PSG1: variants seen among roughly 807,000 people sequenced by gnomAD.
PSG1 encodes pregnancy-specific beta-1-glycoprotein 1.
In PSG1, 60 loss-of-function variants were observed where a neutral mutation model predicts 41.4. The ratio of observed to expected loss-of-function variants is 1.45; its 90% CI spans 1.18 to 1.80. The LOEUF is 1.80. Ranked by LOEUF, PSG1 falls within the 40% of genes most tolerant of loss-of-function variation. PSG1 has a pLI of 0.00. For missense variants in PSG1, 806 were observed against 516.9 expected (o/e 1.56, Z -5.42); for synonymous variants, 256 against 192.9 (o/e 1.33, Z -2.71).
rs1375053311 is a variant in PSG1 at position 42,879,690 on chromosome 19, C to A, written c.-109G>T. 1 of 1,489,604 alleles carries A rather than the reference C, an allele frequency of 6.7e-7. No homozygotes were observed. Among genetic ancestry groups the A allele is most frequent in the East Asian group, 2.3e-5 (1 of 42,560 alleles). 92.3% of individuals were successfully genotyped at this position (1,489,604 alleles called of 1,614,324 possible). On this transcript the variant is annotated 5_prime_UTR_variant, in exon 1 of 6. Transcript: ENST00000436291. ...TCCTTCCTCTTTCTGTGCTGAGCCT[C>A]TTCCCAGGGCAGGAGCAATTCTCAA...
In PSG1 at chr19:42,872,017, G is replaced by T. The variant is rs760079233; in HGVS notation, c.459C>A (p.Ser153Arg). ...TGGTCTCCCTGGGATTTAAGTTGCTGCTGGAGATGGAGGGCTTAGGAGTCT... is the reference window on the plus strand; with the variant it reads ...TGGTCTCCCTGGGATTTAAGTTGCTTCTGGAGATGGAGGGCTTAGGAGTCT... ...HLETPKPSIS[S>R]SNLNPRETME... Residue 153 changes from serine to arginine, a missense_variant, in exon 3 of 6, where the codon AGC becomes AGA. Transcript: ENST00000436291. 15 of 1,612,310 alleles carry T rather than the reference G, an allele frequency of 9.3e-6. No homozygotes were observed. The highest frequency in any genetic ancestry group is 1.7e-5 in the Admixed American group (1 of 59,870).
At position 42,878,301 on chromosome 19, in the gene PSG1, G is replaced by C. The variant is rs1267496015; in HGVS notation, c.65-23C>G. ...ATGCTAGGAGGTGGAGAGAACATCA[G>C]TCAATATTGAGACCTATGTATTGGT... is the stretch of plus-strand genomic sequence containing the variant. On this transcript the variant is annotated intron_variant, in intron 1 of 5. Coordinates refer to ENST00000436291, the MANE Select transcript of PSG1 (RefSeq NM_001184825.2). The C allele has an allele frequency of 4.4e-6, 7 of 1,590,780 alleles. No homozygotes were observed. The South Asian group carries it at 4.7e-5, about 11-fold the overall frequency.
rs2353115 is a variant in PSG1 at position 42,867,142 on chromosome 19, C to A, written c.1252G>T (p.Val418Phe). 136,861 of 766,638 alleles carry A rather than the reference C, an allele frequency of 0.18. 17,955 individuals carry two copies. Among genetic ancestry groups the A allele is most frequent in the East Asian group, 0.41 (16,882 of 40,872 alleles). 47.5% of individuals were successfully genotyped at this position (766,638 alleles called of 1,614,324 possible). The change falls in exon 6 of 6, where the codon GTT becomes TTT. Residue 418 changes from valine to phenylalanine, a missense_variant. Physicochemically the swap from Val to Phe is conservative, Grantham distance 50. Transcript: ENST00000436291. ...SMTVEVSDWTVP is the reference protein window; with the variant it reads ...SMTVEVSDWTFP ...GGAGGTACTAGTAGAATTCAGGGAA[C>A]TGTCCAGTCTACAGGTGGATAATAA...
At position 42,869,021 on chromosome 19, in the gene PSG1, C is replaced by T. The variant is rs759290841; in HGVS notation, c.723G>A (p.Lys241=). ...VTLNLLPKLP[K]PYITINNLNP... The stretch of plus-strand genomic sequence containing the variant: ...TTAAGTTGTTGATGGTGATGTAGGG[C>T]TTGGGCAGCTTCGCTGTGTGGATAA... The change falls in exon 4 of 6, where the codon AAG becomes AAA. Residue 241 remains lysine, a synonymous_variant. Coordinates refer to ENST00000436291, the MANE Select transcript of PSG1 (RefSeq NM_001184825.2). The T allele has an allele frequency of 6.2e-7, 1 of 1,610,090 alleles. No homozygotes were observed. Among genetic ancestry groups the T allele is most frequent in the African/African-American group, 1.3e-5 (1 of 74,602 alleles).
chr19:42,868,730 C>T lies in PSG1; in HGVS notation c.988+26G>A, dbSNP rs1305509603. Reference sequence around the variant, plus strand: ...GTTTGGATTTAAGCTGGTGTCCTGGCCCACAGAGGAACAAAAGATACTCAC... The same window carrying T: ...GTTTGGATTTAAGCTGGTGTCCTGGTCCACAGAGGAACAAAAGATACTCAC... On this transcript the variant is annotated intron_variant, in intron 4 of 5. Transcript: ENST00000436291. 4 of 1,609,476 alleles carry T rather than the reference C, an allele frequency of 2.5e-6. No homozygotes were observed. In the Admixed American group the frequency reaches 5.0e-5, roughly 20 times the overall value.
At position 42,877,814 on chromosome 19, in the gene PSG1, T is replaced by A. The variant is rs573784973; in HGVS notation, c.430+99A>T. 9.1e-5 allele frequency: 145 copies of A among 1,598,518 alleles called. 4 individuals are homozygous for A. The African/African-American group carries it at 1.5e-3, about 17-fold the overall frequency. On this transcript the variant is annotated intron_variant, in intron 2 of 5. Coordinates refer to ENST00000436291, the MANE Select transcript of PSG1 (RefSeq NM_001184825.2). ...AATCCCAGCATGGGACATAACGCAG[T>A]GAGTGACACAGGCAGAGTCCAGGCC...
chr19:42,868,477 C>A (rs1292114587), intron 4 of PSG1, 122 bp from the exon 5 acceptor site: 1 of 1,482,224 alleles, frequency 6.7e-7, no homozygotes, highest in South Asian at 1.4e-5. Flanking sequence ...AGCCCAACCC[C>A]CTCTATGTTC....
rs781260860 is a variant in PSG1, at chr19:42,872,042, T to C, written c.434A>G (p.Glu145Gly). 11 of 1,610,632 alleles carry C rather than the reference T, an allele frequency of 6.8e-6. No individual in the cohort carries two copies. Among genetic ancestry groups the C allele is most frequent in the Admixed American group, 5.0e-5 (3 of 59,642 alleles). Reference protein sequence around the residue: ...TGRFTFTLHLETPKPSISSSN... With the variant: ...TGRFTFTLHLGTPKPSISSSN... ...GCTGGAGATGGAGGGCTTAGGAGTC[T>C]CCACTGTGCAGAAAACAGGGTGAAG... The change falls in exon 3 of 6, where the codon GAG (glutamate) becomes GGG (glycine). Residue 145 changes from glutamate (E) to glycine (G), a missense_variant. Transcript: ENST00000436291.
chr19:42,873,328 A>T lies in PSG1; in HGVS notation c.431-1283T>A, dbSNP rs1213375022. Among the ~76,000 whole-genome samples the T allele has an allele frequency of 5.3e-5, 8 of 151,726 alleles. 1 individual carries two copies. ...ATTTAAAATCCACAATGCGCCAGTG[A>T]GCACTTCTTTTTAGCATCACATCAG... On this transcript the variant is annotated intron_variant, in intron 2 of 5. Coordinates refer to ENST00000436291, the MANE Select transcript of PSG1 (RefSeq NM_001184825.2).
chr19:42,873,271 C>T (rs929471660), intron 2 of PSG1, among the ~76,000 whole-genome samples: 22 of 151,628 alleles, frequency 1.5e-4, no homozygotes, highest in East Asian at 1.2e-3. Flanking sequence ...ATTTGCAGTA[C>T]ATGTACTGGT....
Position 42,878,293 on chromosome 19 carries a change from G to A in PSG1, c.65-15C>T. ...TAAAAGTGATGCTAGGAGGTGGAGA[G>A]AACATCAGTCAATATTGAGACCTAT... On this transcript the variant is annotated splice_polypyrimidine_tract_variant and intron_variant, in intron 1 of 5. Coordinates refer to ENST00000436291, the MANE Select transcript of PSG1 (RefSeq NM_001184825.2). 1 of 1,596,664 alleles carries A rather than the reference G, an allele frequency of 6.3e-7. No homozygotes were observed.
At chr19:42,874,526 T>G (rs1971525417) in intron 2 of PSG1, among the ~76,000 whole-genome samples, 1 of 151,640 alleles carries the variant, frequency 6.6e-6, no homozygotes, top group African/African-American at 2.4e-5. Context: ...TTTTGCATTT[T>G]TAGTAGAGAC....
chr19:42,877,948 C>A lies in PSG1; in HGVS notation c.395G>T (p.Arg132Ile), dbSNP rs141671981. The change falls in exon 2 of 6, where the codon AGA (arginine) becomes ATA (isoleucine). Residue 132 changes from arginine (R) to isoleucine (I), a missense_variant. Coordinates refer to ENST00000436291, the MANE Select transcript of PSG1 (RefSeq NM_001184825.2). ...LHIIKGDDGT[R>I]GVTGRFTFTL... ...GAAGGTGAAACGTCCAGTTACTCCT[C>A]TAGTCCCATCATCTCCCTTTATGAT... 24 of 1,612,254 alleles carry A rather than the reference C, an allele frequency of 1.5e-5. No homozygotes were observed.
rs571586124 is a variant in PSG1, at chr19:42,871,681, G to T, written c.709+86C>A. On this transcript the variant is annotated intron_variant, in intron 3 of 5. Coordinates refer to ENST00000436291, the MANE Select transcript of PSG1 (RefSeq NM_001184825.2). ...TCCAGGGGTAAAGGTCTCTGTATTG[G>T]ACCTGAGAGGGACAGAGAGGCCTGG... is the stretch of plus-strand genomic sequence containing the variant. 8.3e-5 allele frequency: 133 copies of T among 1,611,792 alleles called. 2 individuals are homozygous for T. In the African/African-American group the frequency reaches 1.4e-3, roughly 17 times the overall value.
intron 5 of PSG1, chr19:42,867,366 G>C (rs1000354250): frequency 3.9e-5 from 23 of 596,278 alleles, no homozygotes; most frequent in Admixed American, 2.9e-5. Flanking sequence ...AGTAGCAATG[G>C]ACCATGTAGG....
Position 42,878,025 on chromosome 19 carries a change from G to A in PSG1, c.318C>T (p.Ser106=). 1.2e-6 allele frequency: 2 copies of A among 1,612,374 alleles called. No homozygotes were observed. The highest frequency in any genetic ancestry group is 1.7e-6 in the Non-Finnish European group (2 of 1,179,160). Residue 106 remains serine, a synonymous_variant, in exon 2 of 6, where the codon TCC becomes TCT. Transcript: ENST00000436291. The part of the protein sequence containing the change: ...SGRETAYSNA[S]LLIQNVTRED... ...CCCGGGTGACATTCTGGATCAGCAG[G>A]GATGCATTGGAATATGCTGTTTCTC...
At chr19:42,879,268 T>G (rs1248128901) in intron 1 of PSG1, among the ~76,000 whole-genome samples, 1 of 150,800 alleles carries the variant, frequency 6.6e-6, no homozygotes, top group Non-Finnish European at 1.5e-5. Flanking sequence ...TTCTCCTGCC[T>G]CAGCCTCCCG....
At chr19:42,870,786 G>T (rs1211166796) in intron 3 of PSG1, 2 of 151,580 alleles carry the variant, frequency 1.3e-5, no homozygotes, top group Non-Finnish European at 2.9e-5. Flanking sequence ...TTCAGCAATG[G>T]TTTGTAGTTT....
In PSG1 at chr19:42,871,779, G is replaced by C. The variant is rs746196569; in HGVS notation, c.697C>G (p.Leu233Val). 2.5e-6 allele frequency: 4 copies of C among 1,612,624 alleles called. No individual in the cohort carries two copies. In the South Asian group the frequency reaches 4.4e-5, roughly 18 times the overall value. ...VSASRSDPVT[L>V]NLLPKLPKPY... ...AGAAGATACTCACGGAGGAGATTCA[G>C]GGTGACTGGGTCACTGCGGCTGGCA... The change falls in exon 3 of 6, where the codon CTG (leucine) becomes GTG (valine). Residue 233 changes from leucine (L) to valine (V), a missense_variant. Coordinates refer to ENST00000436291, the MANE Select transcript of PSG1 (RefSeq NM_001184825.2).
Sources: gnomAD v4.1 joint callset for allele counts (sites outside exome capture counted in the v4.1 genomes callset) on GRCh38, gnomAD v4.1.1 for gene constraint, MANE v1.5 for transcripts, NCBI Gene and HGNC (gene_info 2026-07-23, HGNC 2026-07-21) for gene names.